SIDT1: variants seen among roughly 807,000 people sequenced by gnomAD.
SIDT1 encodes the protein SID1 transmembrane family, member 1.
A neutral mutation model predicts 107.5 loss-of-function variants in SIDT1; 101 were observed. The observed-to-expected ratio is 0.94, with a 90% CI of 0.80 to 1.11. SIDT1 has a LOEUF of 1.11. SIDT1 is among the 50% of genes least tolerant of loss of function. SIDT1 has a pLI of 0.00. For synonymous variants in SIDT1, 395 were observed against 398.2 expected (o/e 0.99, Z 0.10); for missense variants, 1,076 against 1,058.2 (o/e 1.02, Z -0.23).
rs977196183 is a variant in SIDT1, at chr3:113,603,130, A to G, written c.1243A>G (p.Lys415Glu). The G allele has an allele frequency of 6.2e-7, 1 of 1,613,846 alleles. No homozygotes were observed. The highest frequency in any genetic ancestry group is 8.5e-7 in the Non-Finnish European group (1 of 1,179,836). The change falls in exon 12 of 25, where the codon AAA (lysine) becomes GAA (glutamate). Residue 415 changes from lysine to glutamate, a missense_variant. By Grantham distance (56) the Lys-to-Glu change is moderately conservative. Coordinates refer to ENST00000264852, the MANE Select transcript of SIDT1 (RefSeq NM_017699.3). ...CACCATGCCAGACATTGAGAGTGAT[A>G]AAAACATCATCCGGACCAAGGTACC... ...FDTMPDIESD[K>E]NIIRTKMFLY...
At chr3:113,536,457 T>C (rs955558802) in intron 1 of SIDT1, among the ~76,000 whole-genome samples, 1 of 152,214 alleles carries the variant, frequency 6.6e-6, no homozygotes, top group Admixed American at 6.5e-5. Context: ...AAATGGCTAG[T>C]TTTTGAGCTT....
At position 113,569,431 on chromosome 3, in the gene SIDT1, T is replaced by C. The variant is rs149148547; in HGVS notation, c.515+1721T>C. Among the ~76,000 whole-genome samples the C allele has an allele frequency of 1.6e-3, 242 of 152,338 alleles. 1 individual carries two copies. Among genetic ancestry groups the C allele is most frequent in the African/African-American group, 5.2e-3 (218 of 41,588 alleles). ...GTATATGTCACTGTTTTGCAGCTTA[T>C]TTTTCTGATCAGAAAGTTTGGTTCT... On this transcript the variant is annotated intron_variant, in intron 3 of 24. Transcript: ENST00000264852.
chr3:113,595,157 T>A (rs1406907531), intron 10 of SIDT1, among the ~76,000 whole-genome samples: 1 of 152,208 alleles, frequency 6.6e-6, no homozygotes, highest in Non-Finnish European at 1.5e-5. Context: ...TCAATATTAT[T>A]GACATCATAG....
At chr3:113,599,258 T>G (rs959877183) in intron 10 of SIDT1, among the ~76,000 whole-genome samples, 1 of 152,234 alleles carries the variant, frequency 6.6e-6, no homozygotes, top group African/African-American at 2.4e-5. Context: ...TGAGACTCCC[T>G]GCAATAAACT....
chr3:113,620,909 T>A (rs951424000), intron 21 of SIDT1, among the ~76,000 whole-genome samples: 1 of 152,056 alleles, frequency 6.6e-6, no homozygotes, highest in Non-Finnish European at 1.5e-5. Flanking sequence ...CAAAACCACA[T>A]CCACGATCTG....
rs1946665058 is a variant in SIDT1, at chr3:113,623,978, T to C, written c.2307+245T>C. ...AACTTGGTCTTCATTGCATGTTGTA[T>C]TACGACGCTGGTCCCAGTGGATGCT... is the stretch of plus-strand genomic sequence containing the variant. On this transcript the variant is annotated intron_variant, in intron 23 of 24. Transcript: ENST00000264852. Among the ~76,000 whole-genome samples, 3 of 152,352 alleles carry C rather than the reference T, an allele frequency of 2.0e-5. 1 individual carries two copies. In the South Asian group the frequency reaches 6.2e-4, roughly 32 times the overall value.
Position 113,581,430 on chromosome 3 carries a change from G to T in SIDT1, c.733G>T (p.Ala245Ser). Residue 245 changes from alanine to serine, a missense_variant, in exon 6 of 25, where the codon GCC becomes TCC. Physicochemically the swap from Ala to Ser is moderately conservative, Grantham distance 99. Transcript: ENST00000264852. ...CTATCAGTCCATGACCAAGAAAGCT[G>T]CCATCACGCTACAGGTGAGGCATTG... ...GVYQSMTKKA[A>S]ITLQKKDFPG... is the part of the protein sequence containing the mutation. 1 of 1,613,680 alleles carries T rather than the reference G, an allele frequency of 6.2e-7. No homozygotes were observed. The highest frequency in any genetic ancestry group is 1.1e-5 in the South Asian group (1 of 91,072).
intron 1 of SIDT1, among the ~76,000 whole-genome samples, chr3:113,564,009 C>T (rs1032397933): frequency 2.0e-5 from 3 of 152,018 alleles, no homozygotes; most frequent in Non-Finnish European, 4.4e-5. Context: ...AATGCAATGG[C>T]ATGATCTCAG....
chr3:113,601,454 G>T, intron 10 of SIDT1, 134 bp from the exon 11 acceptor site: 1 of 566,936 alleles, frequency 1.8e-6, no homozygotes, highest in Non-Finnish European at 3.1e-6. Flanking sequence ...CATAGTTTTG[G>T]TGACTCCTGT....
intron 19 of SIDT1, among the ~76,000 whole-genome samples, chr3:113,612,789 G>A (rs1186299623): frequency 6.6e-6 from 1 of 152,160 alleles, no homozygotes; most frequent in Non-Finnish European, 1.5e-5. Context: ...TGGTTTTAGA[G>A]CATTTAAATT....
chr3:113,568,100 C>T (rs1942088140), intron 3 of SIDT1, among the ~76,000 whole-genome samples: 1 of 152,024 alleles, frequency 6.6e-6, no homozygotes, highest in East Asian at 1.9e-4. Flanking sequence ...TATTATTACT[C>T]CTGTTTTCTC....
chr3:113,570,231 G>T lies in SIDT1; in HGVS notation c.515+2521G>T, dbSNP rs184128652. On this transcript the variant is annotated intron_variant, in intron 3 of 24. Transcript: ENST00000264852. ...AATTTAATAATTTAAAAATCTACTTGTGATATTTATCCATATGGGAATACA... is the reference window on the plus strand; with the variant it reads ...AATTTAATAATTTAAAAATCTACTTTTGATATTTATCCATATGGGAATACA... Among the ~76,000 whole-genome samples the T allele has an allele frequency of 2.5e-3, 381 of 152,276 alleles. 1 individual carries two copies. Among genetic ancestry groups the T allele is most frequent in the African/African-American group, 8.6e-3 (359 of 41,552 alleles).
chr3:113,569,288 ATGTT>A (rs1942232525), intron 3 of SIDT1, among the ~76,000 whole-genome samples: 1 of 152,126 alleles, frequency 6.6e-6, no homozygotes, highest in Non-Finnish European at 1.5e-5. Context: ...GTACATGGCT[ATGTT>A]TGACGATAAT....
Position 113,616,140 on chromosome 3 carries a change from A to C in SIDT1, c.2007A>C (p.Thr669=). The C allele has an allele frequency of 1.2e-6, 2 of 1,614,008 alleles. No homozygotes were observed. Among genetic ancestry groups the C allele is most frequent in the Non-Finnish European group, 1.7e-6 (2 of 1,179,820 alleles). ...IFRRAAMVFY[T]DCIQQCSRPL... is the part of the protein sequence containing the mutation. ...GGCGGGCTGCCATGGTGTTCTACAC[A>C]GACTGTATCCAGCAGTGTAGCCGAC... The change falls in exon 20 of 25, where the codon ACA becomes ACC. Residue 669 remains threonine, a synonymous_variant. Coordinates refer to ENST00000264852, the MANE Select transcript of SIDT1 (RefSeq NM_017699.3).
intron 11 of SIDT1, chr3:113,602,337 A>G (rs977578541): frequency 2.0e-5 from 3 of 152,256 alleles, no homozygotes; most frequent in Non-Finnish European, 4.4e-5. Flanking sequence ...TAACTTTGAG[A>G]AGCATGTGGG....
rs1241431105 is a variant in SIDT1, at chr3:113,628,008, ATCTTGGGGTCCC to A, written c.*303_*314del. The A allele has an allele frequency of 5.2e-6, 2 of 385,040 alleles. No homozygotes were observed. Among genetic ancestry groups the A allele is most frequent in the Admixed American group, 4.2e-5 (1 of 23,856 alleles). The allele number at this position is 385,040 out of a possible 1,614,324, so 23.9% of individuals were successfully genotyped here. ...GGCACTGCATCCAAGTCAACTCACC[ATCTTGGGGTCCC>A]TCCCACCCTCACGGAGACTTGCCAG... On this transcript the variant is annotated 3_prime_UTR_variant, in exon 25 of 25. Coordinates refer to ENST00000264852, the MANE Select transcript of SIDT1 (RefSeq NM_017699.3).
chr3:113,615,122 T>A, intron 19 of SIDT1: 1 of 1,533,182 alleles, frequency 6.5e-7, no homozygotes, highest in East Asian at 2.4e-5. Flanking sequence ...TGTTTTTGTA[T>A]CAAAGTGATC....
chr3:113,566,448 G>A lies in SIDT1; in HGVS notation c.251G>A (p.Ser84Asn). 6.2e-7 allele frequency: 1 copy of A among 1,614,130 alleles called. No homozygotes were observed. The highest frequency in any genetic ancestry group is 1.1e-5 in the South Asian group (1 of 91,080). ...QVTAVRVYVNSSSENLNYPVL... is the reference protein window; with the variant it reads ...QVTAVRVYVNNSSENLNYPVL... ...ACAGCCGTGAGGGTGTATGTGAACA[G>A]TTCCTCTGAGAATCTCAACTACCCG... The change falls in exon 2 of 25, where the codon AGT becomes AAT. Residue 84 changes from serine (S) to asparagine (N), a missense_variant. Ser to Asn is a conservative substitution (Grantham distance 46). Coordinates refer to ENST00000264852, the MANE Select transcript of SIDT1 (RefSeq NM_017699.3).
intron 5 of SIDT1, 144 bp downstream of exon 5, chr3:113,580,853 G>A: frequency 1.7e-6 from 1 of 592,704 alleles, no homozygotes. Context: ...GTATCTGTGA[G>A]CACGAGTGGG....
Sources: allele counts gnomAD v4.1 joint callset (sites outside exome capture counted in the v4.1 genomes callset), GRCh38; gene constraint gnomAD v4.1.1; transcripts MANE v1.5; gene names NCBI Gene and HGNC (gene_info 2026-07-23, HGNC 2026-07-21).